Variants in USH2A observed in about 807,000 individuals in gnomAD.
USH2A encodes the protein Usher syndrome 2A (autosomal recessive, mild).
USH2A carries 443 observed loss-of-function variants against 538.9 expected under a neutral mutation model. That is an observed-to-expected ratio of 0.82 (90% CI 0.76 to 0.89). USH2A has a LOEUF of 0.89. USH2A is among the 40% of genes least tolerant of loss of function. The probability of loss-of-function intolerance (pLI) is 0.00; values close to 1 mark genes in which losing one functional copy is unlikely to be tolerated. For missense variants in USH2A, 6,633 were observed against 6,324.8 expected, an observed-to-expected ratio of 1.05 and a Z score of -1.65; for synonymous variants, 2,413 against 2,273.5, an observed-to-expected ratio of 1.06 and a Z score of -1.75.
chr1:215,695,596 T>C (rs1658780635), intron 61 of USH2A, among the ~76,000 whole-genome samples: 2 of 152,078 alleles, frequency 1.3e-5, no homozygotes, highest in South Asian at 4.1e-4. Context: ...AAGAAACTCA[T>C]TTTGATTGGT....
chr1:216,219,191 G>A (rs2035404636), intron 14 of USH2A, among the ~76,000 whole-genome samples: 1 of 151,950 alleles, frequency 6.6e-6, no homozygotes, highest in Admixed American at 6.6e-5. Context: ...TCCAGCCAAA[G>A]CACGCAATGT....
At chr1:216,291,462 TTG>T (rs147689147) in intron 10 of USH2A, among the ~76,000 whole-genome samples, 2,886 of 152,236 alleles carry the variant, frequency 0.019, 92 homozygotes, top group African/African-American at 0.064. Flanking sequence ...AGAAAATTCA[TTG>T]TCTTATTCAT....
intron 32 of USH2A, among the ~76,000 whole-genome samples, chr1:216,029,199 C>T (rs1183422484): frequency 6.6e-6 from 1 of 151,986 alleles, no homozygotes; most frequent in African/African-American, 2.4e-5. Context: ...GTCACTATTA[C>T]CCAGTTTTCT....
chr1:216,001,081 G>A (rs1668255750), intron 32 of USH2A, among the ~76,000 whole-genome samples: 2 of 152,036 alleles, frequency 1.3e-5, no homozygotes, highest in Non-Finnish European at 2.9e-5. Flanking sequence ...TTTCTTCCTT[G>A]TGATGTCCCT....
chr1:216,262,513 C>T (rs1006475618), intron 11 of USH2A, among the ~76,000 whole-genome samples: 2 of 151,798 alleles, frequency 1.3e-5, no homozygotes, highest in African/African-American at 4.8e-5. Flanking sequence ...ATTGAAATAA[C>T]TCAAGCAGAC....
chr1:216,221,414 T>G (rs2035456405), intron 14 of USH2A, among the ~76,000 whole-genome samples: 1 of 152,192 alleles, frequency 6.6e-6, no homozygotes, highest in Non-Finnish European at 1.5e-5. Flanking sequence ...TAGTTTCGCT[T>G]TAGTTACAGA....
In USH2A at chr1:215,758,652, G is replaced by A; in HGVS notation, c.11332C>T (p.Pro3778Ser). The A allele has an allele frequency of 6.2e-7, 1 of 1,613,706 alleles. No homozygotes were observed. Among genetic ancestry groups the A allele is most frequent in the Non-Finnish European group, 8.5e-7 (1 of 1,179,830 alleles). ...GGCCCAATTACTGTGATATTATATG[G>A]AGGATAGATTTCTTCTGGTGTTGAC... ...PMSTPEEIYPPYNITVIGPYS... is the reference protein window; with the variant it reads ...PMSTPEEIYPSYNITVIGPYS... The change falls in exon 58 of 72, where the codon CCA (proline) becomes TCA (serine). Residue 3778 changes from proline (P) to serine (S), a missense_variant. By Grantham distance (74) the Pro-to-Ser change is moderately conservative (BLOSUM62 -1). Transcript: ENST00000307340.
intron 35 of USH2A, among the ~76,000 whole-genome samples, chr1:215,989,901 T>A (rs559343340): frequency 6.6e-6 from 1 of 152,292 alleles, no homozygotes; most frequent in South Asian, 2.1e-4. Context: ...GGTATTTTGA[T>A]GATAACCGAG....
At chr1:216,272,356 G>T (rs563142438) in intron 11 of USH2A, among the ~76,000 whole-genome samples, 1 of 152,116 alleles carries the variant, frequency 6.6e-6, no homozygotes, top group African/African-American at 2.4e-5. Flanking sequence ...TTGGTAATTT[G>T]TGTTTTTGAT....
intron 3 of USH2A, among the ~76,000 whole-genome samples, chr1:216,403,068 A>G (rs1276689595): frequency 6.6e-6 from 1 of 152,180 alleles, no homozygotes; most frequent in Admixed American, 6.6e-5. Flanking sequence ...TATACTACAT[A>G]TACTATAATT....
At chr1:215,790,857 G>A (rs1395486331) in intron 50 of USH2A, among the ~76,000 whole-genome samples, 1 of 152,144 alleles carries the variant, frequency 6.6e-6, no homozygotes, top group African/African-American at 2.4e-5. Flanking sequence ...AGATGGATTT[G>A]GTATTTATTC....
chr1:215,956,334 C>T (rs1667068908), intron 37 of USH2A, among the ~76,000 whole-genome samples: 1 of 152,130 alleles, frequency 6.6e-6, no homozygotes, highest in South Asian at 2.1e-4. Context: ...TAGAAATCCC[C>T]CAAATCACTT....
chr1:216,096,934 C>T (rs2032454215), intron 22 of USH2A, 149 bp downstream of exon 22: 3 of 878,522 alleles, frequency 3.4e-6, no homozygotes, highest in Non-Finnish European at 3.5e-6. Context: ...TTGTAAGTTT[C>T]ATTTTCTTGA....
chr1:215,976,185 G>A (rs1667615498), intron 35 of USH2A, among the ~76,000 whole-genome samples: 1 of 152,138 alleles, frequency 6.6e-6, no homozygotes, highest in Admixed American at 6.5e-5. Context: ...CTTTACTGAT[G>A]TTGTTTGTCA....
Position 215,798,999 on chromosome 1 carries a change from C to A in USH2A, c.9866G>T (p.Gly3289Val), listed in dbSNP as rs945683443. ...QICCAGRLHD[G>V]HGQKCCGRQI... ...TCTGCCACAGCACTTCTGGCCATGG[C>A]CATCATGAAGCCTCCCAGCACAGCA... Residue 3289 changes from glycine to valine, a missense_variant, in exon 50 of 72, where the codon GGC becomes GTC. Physicochemically the swap from Gly to Val is moderately radical, Grantham distance 109. Coordinates refer to ENST00000307340, the MANE Select transcript of USH2A (RefSeq NM_206933.4). 1 of 1,613,960 alleles carries A rather than the reference C, an allele frequency of 6.2e-7. No individual in the cohort carries two copies. Among genetic ancestry groups the A allele is most frequent in the African/African-American group, 1.3e-5 (1 of 74,934 alleles).
intron 44 of USH2A, among the ~76,000 whole-genome samples, chr1:215,857,092 A>G (rs1403090920): frequency 6.6e-6 from 1 of 152,172 alleles, no homozygotes; most frequent in Non-Finnish European, 1.5e-5. Flanking sequence ...GGCAACGGAT[A>G]CAAGACTAAC....
intron 22 of USH2A, among the ~76,000 whole-genome samples, chr1:216,092,059 CAT>C (rs2032315004): frequency 1.3e-5 from 2 of 152,236 alleles, no homozygotes; most frequent in South Asian, 4.2e-4. Context: ...ATAAAACAAA[CAT>C]CACAAAATAT....
chr1:216,220,220 A>G (rs1296939002), intron 14 of USH2A, among the ~76,000 whole-genome samples: 2 of 151,836 alleles, frequency 1.3e-5, no homozygotes, highest in African/African-American at 4.8e-5. Context: ...TTCTCTTTGT[A>G]CACCCCTCCT....
chr1:216,407,866 C>A (rs2039421476), intron 3 of USH2A, among the ~76,000 whole-genome samples: 1 of 151,808 alleles, frequency 6.6e-6, no homozygotes, highest in Admixed American at 6.6e-5. Flanking sequence ...ACCATCAAAT[C>A]CCAACCATTA....
Sources: allele counts gnomAD v4.1 joint callset (sites outside exome capture counted in the v4.1 genomes callset), GRCh38; gene constraint gnomAD v4.1.1; transcripts MANE v1.5; gene names NCBI Gene and HGNC (gene_info 2026-07-23, HGNC 2026-07-21).